ELF2: variants seen among roughly 807,000 people sequenced by gnomAD.
The protein encoded by ELF2 is E74 like ETS transcription factor 2, also known as ETS-related transcription factor Elf-2.
A neutral mutation model predicts 54.8 loss-of-function variants in ELF2; 11 were observed. The observed-to-expected ratio is 0.20, with a 90% CI of 0.13 to 0.33. The LOEUF (loss-of-function observed/expected upper bound fraction) is 0.33, where lower values mean the gene tolerates loss of function less well. Ranked by LOEUF, ELF2 falls within the 10% of genes least tolerant of loss-of-function variation. The probability of loss-of-function intolerance (pLI) is 1.00; values close to 1 mark genes in which losing one functional copy is unlikely to be tolerated. For missense variants in ELF2, 513 were observed against 703.0 expected (o/e 0.73, Z 3.06); for synonymous variants, 203 against 245.1 (o/e 0.83, Z 1.61).
intron 1 of ELF2, among the ~76,000 whole-genome samples, chr4:139,147,817 A>C (rs1223604151): frequency 2.5e-4 from 23 of 92,776 alleles, no homozygotes; most frequent in Admixed American, 5.7e-4. Context: ...ATGGAGTTTC[A>C]CTCTTGTTGC....
intron 1 of ELF2, among the ~76,000 whole-genome samples, chr4:139,149,884 C>T (rs1739690135): frequency 1.3e-5 from 2 of 152,080 alleles, no homozygotes; most frequent in African/African-American, 4.8e-5. Flanking sequence ...TTAGAAAAAT[C>T]TTGACAAAGA....
chr4:139,103,381 T>C (rs1442626380), intron 4 of ELF2, among the ~76,000 whole-genome samples: 3 of 152,204 alleles, frequency 2.0e-5, no homozygotes, highest in Admixed American at 2.0e-4. Flanking sequence ...GTTGGGACTT[T>C]CAGCCCCACT....
At chr4:139,060,800 G>GA (rs1267943441) in intron 8 of ELF2, 126 bp from the exon 9 acceptor site, 6 of 800,216 alleles carry the variant, frequency 7.5e-6, no homozygotes, top group East Asian at 5.3e-5. Flanking sequence ...TAACAGATGA[G>GA]AAAAAAACAA....
At chr4:139,093,068 C>T (rs139698716) in intron 4 of ELF2, among the ~76,000 whole-genome samples, 24,913 of 150,028 alleles carry the variant, frequency 0.17, 2,143 homozygotes, top group South Asian at 0.32. Flanking sequence ...CGGGTTCACG[C>T]CATCCTCCTG....
intron 4 of ELF2, among the ~76,000 whole-genome samples, chr4:139,119,922 C>T (rs945142401): frequency 4.6e-5 from 7 of 151,996 alleles, no homozygotes; most frequent in African/African-American, 1.4e-4. Context: ...TACAGGCGTG[C>T]ACCACCACAC....
At chr4:139,142,042 G>A (rs1209149405) in intron 1 of ELF2, among the ~76,000 whole-genome samples, 2 of 152,196 alleles carry the variant, frequency 1.3e-5, no homozygotes, top group Non-Finnish European at 2.9e-5. Flanking sequence ...CCCGGGTCCA[G>A]TAGTGAATAA....
chr4:139,148,116 T>A (rs1157851296), intron 1 of ELF2, among the ~76,000 whole-genome samples: 23 of 123,722 alleles, frequency 1.9e-4, no homozygotes, highest in African/African-American at 6.1e-4. Flanking sequence ...AAAAAAAAAA[T>A]TAATGTACTT....
chr4:139,128,225 T>C (rs1161474965), intron 3 of ELF2, among the ~76,000 whole-genome samples: 3 of 151,764 alleles, frequency 2.0e-5, no homozygotes, highest in Non-Finnish European at 4.4e-5. Context: ...CAGTGAGCCA[T>C]AATCATGCCT....
chr4:139,115,241 C>T (rs1435606700), intron 4 of ELF2: 27 of 1,609,858 alleles, frequency 1.7e-5, no homozygotes, highest in Non-Finnish European at 2.1e-5. Flanking sequence ...CCCTCATCGT[C>T]CGCGCCGCCC....
At chr4:139,162,037 T>G (rs909958975) in intron 1 of ELF2, among the ~76,000 whole-genome samples, 3 of 152,032 alleles carry the variant, frequency 2.0e-5, no homozygotes, top group African/African-American at 7.2e-5. Flanking sequence ...GAGGTTGCAG[T>G]GAGCTGAGAT....
intron 4 of ELF2, among the ~76,000 whole-genome samples, chr4:139,106,954 C>G (rs1240485414): frequency 6.6e-6 from 1 of 151,856 alleles, no homozygotes; most frequent in East Asian, 1.9e-4. Context: ...CCACGTTACT[C>G]AGGCTGGTTG....
rs113798034 is a variant in ELF2, at chr4:139,152,935, G to T, written c.-251-13438C>A. 8.7e-3 allele frequency among the ~76,000 whole-genome samples: 1,085 copies of T among 124,092 alleles called. 16 individuals carry two copies. Among genetic ancestry groups the T allele is most frequent in the African/African-American group, 0.033 (1,035 of 31,344 alleles). The allele number at this position is 124,092 out of a possible 152,430, so 81.4% of individuals were successfully genotyped here. On this transcript the variant is annotated intron_variant, in intron 1 of 9. Coordinates refer to ENST00000686138, the MANE Select transcript of ELF2 (RefSeq NM_001331036.3). ...TTTTGAGACAGAGTCTTGGTCTGTC[G>T]CCCAGGCTGAAGTGCAGTGGTGCAA...
chr4:139,084,105 C>T (rs1398961750), intron 4 of ELF2: 4 of 1,613,036 alleles, frequency 2.5e-6, no homozygotes, highest in East Asian at 2.2e-5. Flanking sequence ...TGCACCGATG[C>T]ACGGGAGAAA....
At chr4:139,136,769 A>T (rs1738207645) in intron 3 of ELF2, 1 of 149,394 alleles carries the variant, frequency 6.7e-6, no homozygotes, top group African/African-American at 2.5e-5. Context: ...GGTTCACACC[A>T]TTCTCCTGCC....
chr4:139,130,061 C>T (rs1470409196), intron 3 of ELF2, among the ~76,000 whole-genome samples: 1 of 152,062 alleles, frequency 6.6e-6, no homozygotes, highest in African/African-American at 2.4e-5. Context: ...CCCAATCTGA[C>T]TATGTCCTTA....
At chr4:139,069,386 C>T (rs1729189372) in intron 6 of ELF2, among the ~76,000 whole-genome samples, 1 of 152,148 alleles carries the variant, frequency 6.6e-6, no homozygotes, top group Non-Finnish European at 1.5e-5. Flanking sequence ...ACAGAAAGTT[C>T]ACTGGTCTCT....
At chr4:139,072,603 G>A (rs1729673046) in intron 5 of ELF2, among the ~76,000 whole-genome samples, 1 of 152,152 alleles carries the variant, frequency 6.6e-6, no homozygotes, top group Non-Finnish European at 1.5e-5. Context: ...TAACAGTCCT[G>A]ATGTTTTAGT....
chr4:139,084,305 T>A (rs984431701), intron 4 of ELF2: 11 of 1,559,506 alleles, frequency 7.1e-6, no homozygotes, highest in Admixed American at 3.4e-5. Context: ...CGACACACAC[T>A]CACGCACTCG....
intron 1 of ELF2, among the ~76,000 whole-genome samples, chr4:139,171,983 G>T (rs1460879873): frequency 6.6e-6 from 1 of 152,146 alleles, no homozygotes; most frequent in Non-Finnish European, 1.5e-5. Flanking sequence ...ATAAGTGTTG[G>T]CAAAGATGTG....
Sources: allele counts gnomAD v4.1 joint callset (sites outside exome capture counted in the v4.1 genomes callset), GRCh38; gene constraint gnomAD v4.1.1; transcripts MANE v1.5; gene names NCBI Gene and HGNC (gene_info 2026-07-23, HGNC 2026-07-21).